Variants in HTRA1 observed in about 807,000 individuals in gnomAD.
HTRA1 encodes HtrA serine peptidase 1.
Under a neutral mutation model 49.7 loss-of-function variants are expected in HTRA1, and 26 were observed. That is an observed-to-expected ratio of 0.52 (90% confidence interval 0.38 to 0.73). The LOEUF is 0.73. Ranked by LOEUF, HTRA1 falls within the 30% of genes least tolerant of loss-of-function variation. The pLI is 0.00. For synonymous variants in HTRA1, 291 were observed against 286.9 expected, an observed-to-expected ratio of 1.01 and a Z score of -0.14; for missense variants, 561 against 667.2, an observed-to-expected ratio of 0.84 and a Z score of 1.75.
rs564134223 is a variant in HTRA1, at chr10:122,487,933, ATTTTTCTC to A, written c.473-960_473-953del. Among the ~76,000 whole-genome samples the A allele has an allele frequency of 1.3e-3, 205 of 152,154 alleles. No individual in the cohort carries two copies. The highest frequency in any genetic ancestry group is 4.1e-3 in the Admixed American group (62 of 15,282). ...AGGTATAAAGCATTACAGTTGTTTG[ATTTTTCTC>A]TTTTTCTCACCCACAGTCTTAAGGC... On this transcript the variant is annotated intron_variant, in intron 1 of 8. Transcript: ENST00000368984. This position sits in a 1 kb window ranked among gnomAD's most constrained non-coding sequence, Gnocchi z 4.8.
intron 1 of HTRA1, among the ~76,000 whole-genome samples, chr10:122,485,352 T>G (rs1229491562): frequency 2.6e-5 from 4 of 152,260 alleles, no homozygotes; most frequent in Admixed American, 1.3e-4. Context: ...ATATGGTCTG[T>G]GCTCCCACTG....
chr10:122,514,446 C>G lies in HTRA1; in HGVS notation c.*87C>G. 8 of 1,354,106 alleles carry G rather than the reference C, an allele frequency of 5.9e-6. No homozygotes were observed. The highest frequency in any genetic ancestry group is 8.4e-6 in the Non-Finnish European group (8 of 946,854). The allele number at this position is 1,354,106 out of a possible 1,614,324, so 83.9% of individuals were successfully genotyped here. A position where few individuals can be genotyped will look rare whatever the true frequency, so the allele number is the denominator to read the frequency against. ...GACTCTGGGCTGCTGGAATAGGACACTCAAGACTTTTGACTGCCATTTTGT... is the reference window on the plus strand; with the variant it reads ...GACTCTGGGCTGCTGGAATAGGACAGTCAAGACTTTTGACTGCCATTTTGT... On this transcript the variant is annotated 3_prime_UTR_variant, in exon 9 of 9. Coordinates refer to ENST00000368984, the MANE Select transcript of HTRA1 (RefSeq NM_002775.5).
In HTRA1 at chr10:122,494,527, T is replaced by C. The variant is rs754734169; in HGVS notation, c.777+4901T>C. Among the ~76,000 whole-genome samples the C allele has an allele frequency of 6.6e-6, 1 of 152,180 alleles. No homozygotes were observed. Among genetic ancestry groups the C allele is most frequent in the Non-Finnish European group, 1.5e-5 (1 of 68,030 alleles). ...GGTCTTTGGTAACGGAAAGCGCTGG[T>C]GAAACAGTGAGCTTTCCCGTGGGTG... is the stretch of plus-strand genomic sequence containing the variant. On this transcript the variant is annotated intron_variant, in intron 3 of 8. Transcript: ENST00000368984. This position sits in a 1 kb window ranked among gnomAD's most constrained non-coding sequence, Gnocchi z 4.0.
intron 3 of HTRA1, among the ~76,000 whole-genome samples, chr10:122,498,852 G>T (rs2097499765): frequency 6.6e-6 from 1 of 152,202 alleles, no homozygotes; most frequent in South Asian, 2.1e-4. Context: ...GGAACTTGGG[G>T]CTTTAGCTCA....
chr10:122,486,602 C>T (rs886819945), intron 1 of HTRA1, among the ~76,000 whole-genome samples: 15 of 152,220 alleles, frequency 9.9e-5, no homozygotes, highest in African/African-American at 3.1e-4. Context: ...TATGGCCCTT[C>T]GTGACCCAGT....
chr10:122,509,121 A>C (rs2097504433), intron 6 of HTRA1, among the ~76,000 whole-genome samples: 1 of 152,166 alleles, frequency 6.6e-6, no homozygotes, highest in South Asian at 2.1e-4. Context: ...AAAACGGTTC[A>C]GGGAGATCAT....
rs147948338 is a variant in HTRA1 at position 122,507,475 on chromosome 10, G to GTTGT, written c.1005+84_1005+87dup. 1.5e-3 allele frequency: 1,667 copies of GTTGT among 1,138,892 alleles called. 22 individuals are homozygous for GTTGT. In the African/African-American group the frequency reaches 0.023, roughly 16 times the overall value. The allele number at this position is 1,138,892 out of a possible 1,614,324, so 70.5% of individuals were successfully genotyped here. Reference sequence around the variant, plus strand: ...TACGCTGTTTTTTGTTTGTTTGTTTGTTGTTTGTTTGTTTTTGAGGCAGGG... The same window carrying GTTGT: ...TACGCTGTTTTTTGTTTGTTTGTTTGTTGTTTGTTTGTTTGTTTTTGAGGCAGGG... On this transcript the variant is annotated intron_variant, in intron 5 of 8. Transcript: ENST00000368984.
chr10:122,514,655 C>G lies in HTRA1; in HGVS notation c.*296C>G, dbSNP rs28665753. 1.2e-3 allele frequency: 492 copies of G among 413,238 alleles called. 3 individuals are homozygous for G. In the East Asian group the frequency reaches 0.021, roughly 18 times the overall value. 25.6% of individuals were successfully genotyped at this position (413,238 alleles called of 1,614,324 possible). On this transcript the variant is annotated 3_prime_UTR_variant, in exon 9 of 9. Coordinates refer to ENST00000368984, the MANE Select transcript of HTRA1 (RefSeq NM_002775.5). The stretch of plus-strand genomic sequence containing the variant: ...AGTCAGCATTTGTCTCCTCCTTTAA[C>G]TGAGTCATCATCTTAGTCCAACTAA...
rs901473965 is a variant in HTRA1, at chr10:122,487,715, A to G, written c.473-1187A>G. On this transcript the variant is annotated intron_variant, in intron 1 of 8. Transcript: ENST00000368984. The surrounding 1 kb of genome is among the most constrained non-coding windows in gnomAD (Gnocchi z 4.8). ...TACGCAAACCTAGATGGCAGAGCCC[A>G]CTCCACACCTAGGCCAGATGGCAGA... Among the ~76,000 whole-genome samples the G allele has an allele frequency of 2.0e-5, 3 of 152,042 alleles. No individual in the cohort carries two copies. The highest frequency in any genetic ancestry group is 4.4e-5 in the Non-Finnish European group (3 of 68,014).
chr10:122,499,460 G>A (rs934453148), intron 3 of HTRA1, among the ~76,000 whole-genome samples: 1 of 152,110 alleles, frequency 6.6e-6, no homozygotes, highest in Non-Finnish European at 1.5e-5. Context: ...TTTTTATTTT[G>A]CACTGGGCTC....
rs113993971 is a variant in HTRA1 at position 122,508,758 on chromosome 10, C to T, written c.1108C>T (p.Arg370Ter). ...AAAGTTCCTCACGGAGTCCCATGACCGACAGGCCAAAGGTAGGCAAGGCCC... is the reference window on the plus strand; with the variant it reads ...AAAGTTCCTCACGGAGTCCCATGACTGACAGGCCAAAGGTAGGCAAGGCCC... Reference protein sequence around the residue: ...IKKFLTESHDRQAKGKAITKK... With the variant: ...IKKFLTESHD The change falls in exon 6 of 9, where the codon CGA (arginine) becomes TGA (stop). Residue 370 changes from arginine to a stop codon, truncating the protein, a stop_gained. Coordinates refer to ENST00000368984, the MANE Select transcript of HTRA1 (RefSeq NM_002775.5). LOFTEE classifies it high-confidence loss of function. 34 of 1,607,652 alleles carry T rather than the reference C, an allele frequency of 2.1e-5. No individual in the cohort carries two copies. Among genetic ancestry groups the T allele is most frequent in the African/African-American group, 4.0e-5 (3 of 74,778 alleles).
At chr10:122,499,757 C>T (rs557411353) in intron 3 of HTRA1, among the ~76,000 whole-genome samples, 1 of 152,304 alleles carries the variant, frequency 6.6e-6, no homozygotes, top group East Asian at 1.9e-4. Context: ...TTGTCCATTG[C>T]ATATTTTTTA....
intron 1 of HTRA1, among the ~76,000 whole-genome samples, chr10:122,483,561 G>A (rs781601750): frequency 9.2e-5 from 14 of 152,132 alleles, no homozygotes; most frequent in Non-Finnish European, 1.6e-4. Context: ...GGATTGTCTA[G>A]GCTCTGTGCT....
intron 3 of HTRA1, among the ~76,000 whole-genome samples, chr10:122,496,224 GGTTCTTTTTTTTT>G (rs1419381276): frequency 3.4e-4 from 11 of 32,064 alleles, no homozygotes; most frequent in Admixed American, 1.2e-3. Context: ...AGAGATTGTG[GGTTCTTTTTTTTT>G]TTTTTTTTTT....
intron 3 of HTRA1, among the ~76,000 whole-genome samples, chr10:122,501,641 C>G (rs992373238): frequency 6.6e-6 from 1 of 152,158 alleles, no homozygotes; most frequent in South Asian, 2.1e-4. Flanking sequence ...AGGGGAGCCA[C>G]GTTCCCTCCT....
chr10:122,497,835 G>C (rs1470515317), intron 3 of HTRA1, among the ~76,000 whole-genome samples: 1 of 152,210 alleles, frequency 6.6e-6, no homozygotes, highest in Non-Finnish European at 1.5e-5. Context: ...TGTTGTAGCA[G>C]CATCAGCCAC....
intron 1 of HTRA1, among the ~76,000 whole-genome samples, chr10:122,476,750 G>A (rs1055442132): frequency 6.6e-6 from 1 of 152,140 alleles, no homozygotes; most frequent in Non-Finnish European, 1.5e-5. Context: ...AGTAAGGGGA[G>A]CGCTAGAGGG....
chr10:122,494,120 T>G lies in HTRA1; in HGVS notation c.777+4494T>G, dbSNP rs139763437. On this transcript the variant is annotated intron_variant, in intron 3 of 8. Transcript: ENST00000368984. The surrounding 1 kb of genome is among the most constrained non-coding windows in gnomAD (Gnocchi z 4.0). Reference sequence around the variant, plus strand: ...GGGGACACATCACCCCAGGGACAACTGCATTCCACTCTTGGTTTTTCCCTC... The same window carrying G: ...GGGGACACATCACCCCAGGGACAACGGCATTCCACTCTTGGTTTTTCCCTC... Among the ~76,000 whole-genome samples, 272 of 152,288 alleles carry G rather than the reference T, an allele frequency of 1.8e-3. 1 individual carries two copies. The highest frequency in any genetic ancestry group is 0.016 in the East Asian group (84 of 5,168).
At chr10:122,510,339 C>T (rs1307418720) in intron 7 of HTRA1, among the ~76,000 whole-genome samples, 186 bp downstream of exon 7, 1 of 152,180 alleles carries the variant, frequency 6.6e-6, no homozygotes, top group Non-Finnish European at 1.5e-5. Context: ...TGGTTTTAAC[C>T]TGTGTTTTTG....
Sources: allele counts gnomAD v4.1 joint callset (sites outside exome capture counted in the v4.1 genomes callset), GRCh38; gene constraint gnomAD v4.1.1; non-coding constraint Gnocchi (gnomAD v3.1); transcripts MANE v1.5; gene names NCBI Gene and HGNC (gene_info 2026-07-23, HGNC 2026-07-21).